SV2B: variants seen among roughly 807,000 people sequenced by gnomAD.
SV2B encodes the protein synaptic vesicle glycoprotein 2B.
A neutral mutation model predicts 73.9 loss-of-function variants in SV2B; 41 were observed. The ratio of observed to expected loss-of-function variants is 0.56; its 90% CI spans 0.43 to 0.72. SV2B has a LOEUF of 0.72. SV2B is among the 30% of genes least tolerant of loss of function. The probability of loss-of-function intolerance (pLI) is 0.00; values close to 1 mark genes in which losing one functional copy is unlikely to be tolerated. For synonymous variants in SV2B, 314 were observed against 314.2 expected (o/e 1.00, Z 0.01); for missense variants, 764 against 857.8 (o/e 0.89, Z 1.37).
At chr15:91,217,841 C>T (rs1295703478) in intron 1 of SV2B, among the ~76,000 whole-genome samples, 3 of 152,240 alleles carry the variant, frequency 2.0e-5, no homozygotes, top group African/African-American at 7.2e-5. Context: ...TGACTTCATT[C>T]ATGCTCCCTC....
At chr15:91,178,084 T>G (rs1199677991) in intron 1 of SV2B, among the ~76,000 whole-genome samples, 4 of 151,890 alleles carry the variant, frequency 2.6e-5, no homozygotes, top group Admixed American at 6.5e-5. Flanking sequence ...CCTAATTTAT[T>G]GAGAGTTTTT....
intron 1 of SV2B, among the ~76,000 whole-genome samples, chr15:91,212,715 A>G (rs1336990838): frequency 6.6e-6 from 1 of 152,136 alleles, no homozygotes; most frequent in African/African-American, 2.4e-5. Context: ...GCACTTTGGG[A>G]GGCCGAGGTA....
intron 9 of SV2B, among the ~76,000 whole-genome samples, chr15:91,276,025 T>C (rs980151179): frequency 1.2e-4 from 19 of 152,140 alleles, no homozygotes; most frequent in Admixed American, 1.2e-3. Flanking sequence ...CTCTTCAATT[T>C]TGAAAATATT....
At chr15:91,143,530 T>A (rs965945573) in intron 1 of SV2B, among the ~76,000 whole-genome samples, 1 of 152,224 alleles carries the variant, frequency 6.6e-6, no homozygotes, top group Admixed American at 6.5e-5. Context: ...ACAAAAGACA[T>A]CATTCTATCG....
rs2046630468 is a variant in SV2B at position 91,232,809 on chromosome 15, A to T, written c.451+6095A>T. On this transcript the variant is annotated intron_variant, in intron 2 of 12. Coordinates refer to ENST00000394232, the MANE Select transcript of SV2B (RefSeq NM_001323032.3). The surrounding 1 kb of genome is among the most constrained non-coding windows in gnomAD (Gnocchi z 4.7). ...GTATGATGCTGAGGTTTGGGATACA[A>T]ATGATCCCATCACCCAGATAGTGAG... is the stretch of plus-strand genomic sequence containing the variant. Among the ~76,000 whole-genome samples the T allele has an allele frequency of 1.3e-5, 2 of 152,166 alleles. No individual in the cohort carries two copies.
intron 1 of SV2B, among the ~76,000 whole-genome samples, chr15:91,147,025 T>A (rs932919728): frequency 1.3e-5 from 2 of 152,232 alleles, no homozygotes; most frequent in Non-Finnish European, 2.9e-5. Context: ...GCTGTAAGCA[T>A]TTATCCCATT....
intron 1 of SV2B, among the ~76,000 whole-genome samples, chr15:91,154,318 C>T (rs970811625): frequency 1.3e-5 from 2 of 152,008 alleles, no homozygotes; most frequent in African/African-American, 2.4e-5. Flanking sequence ...TACTATGTGC[C>T]GGATGCAGTG....
chr15:91,260,414 G>A lies in SV2B; in HGVS notation c.1008+5G>A. The A allele has an allele frequency of 6.3e-7, 1 of 1,596,450 alleles. No individual in the cohort carries two copies. Among genetic ancestry groups the A allele is most frequent in the Non-Finnish European group, 8.5e-7 (1 of 1,174,110 alleles). On this transcript the variant is annotated splice_donor_5th_base_variant and intron_variant, in intron 6 of 12. Coordinates refer to ENST00000394232, the MANE Select transcript of SV2B (RefSeq NM_001323032.3). The stretch of plus-strand genomic sequence containing the variant: ...ACCCCAGAGAAAGTGTTCACGGTGA[G>A]TGTGGGGTTGCCTGCCAATAAGAAG...
At chr15:91,146,758 T>C (rs1279916398) in intron 1 of SV2B, among the ~76,000 whole-genome samples, 1 of 152,202 alleles carries the variant, frequency 6.6e-6, no homozygotes, top group Non-Finnish European at 1.5e-5. Context: ...ACAGACTCCC[T>C]CTGGGCTCTC....
rs947538897 is a variant in SV2B, at chr15:91,187,672, T to A, written c.-391-38201T>A. Among the ~76,000 whole-genome samples, 209 of 147,938 alleles carry A rather than the reference T, an allele frequency of 1.4e-3. 2 individuals carry two copies. The highest frequency in any genetic ancestry group is 4.8e-3 in the African/African-American group (195 of 40,776). On this transcript the variant is annotated intron_variant, in intron 1 of 12. Coordinates refer to ENST00000394232, the MANE Select transcript of SV2B (RefSeq NM_001323032.3). ...AATTTTATGTTTTGTTTTTTTTTTT[T>A]AAATTGTGGCAACATATACCATTGT... is the stretch of plus-strand genomic sequence containing the variant.
At chr15:91,173,024 C>A (rs1258275806) in intron 1 of SV2B, among the ~76,000 whole-genome samples, 1 of 151,626 alleles carries the variant, frequency 6.6e-6, no homozygotes, top group Non-Finnish European at 1.5e-5. Context: ...TTGAAAGATA[C>A]AAAGAGGAGA....
rs757457091 is a variant in SV2B, at chr15:91,300,857, C to T, written c.*8305C>T. On this transcript the variant is annotated 3_prime_UTR_variant, in exon 13 of 13. Transcript: ENST00000394232. ...AATTTCTCCAGGTATCCAGCTATCT[C>T]CAGGTGTGCGGTCCTGTGAAGCACT... 2.6e-5 allele frequency: 4 copies of T among 152,208 alleles called. No homozygotes were observed. The highest frequency in any genetic ancestry group is 2.0e-4 in the Admixed American group (3 of 15,276). 9.4% of individuals were successfully genotyped at this position (152,208 alleles called of 1,614,324 possible).
Position 91,281,746 on chromosome 15 carries a change from T to C in SV2B, c.1392T>C (p.Phe464=). Residue 464 remains phenylalanine (F), a synonymous_variant, in exon 10 of 13, where the codon TTT becomes TTC. Coordinates refer to ENST00000394232, the MANE Select transcript of SV2B (RefSeq NM_001323032.3). The surrounding 1 kb of genome is among the most constrained non-coding windows in gnomAD (Gnocchi z 4.7). ...CCCACAGGTTCACAAGAATGTACTT[T>C]AAACATGTACTCTTTGAGGACACAT... ...LVNDKFTRMY[F]KHVLFEDTFF... 1.2e-6 allele frequency: 2 copies of C among 1,609,156 alleles called. No homozygotes were observed. The highest frequency in any genetic ancestry group is 1.3e-5 in the African/African-American group (1 of 74,822).
At chr15:91,274,290 T>C (rs1299116348) in intron 9 of SV2B, among the ~76,000 whole-genome samples, 1 of 152,208 alleles carries the variant, frequency 6.6e-6, no homozygotes, top group Non-Finnish European at 1.5e-5. Flanking sequence ...TCACCAGTAG[T>C]ATACGGTGTA....
intron 1 of SV2B, among the ~76,000 whole-genome samples, chr15:91,151,196 A>G (rs904777359): frequency 6.6e-6 from 1 of 152,234 alleles, no homozygotes; most frequent in African/African-American, 2.4e-5. Flanking sequence ...TCAGGGCCAA[A>G]ACTCCCCATT....
At chr15:91,207,504 G>A (rs1235071722) in intron 1 of SV2B, among the ~76,000 whole-genome samples, 2 of 152,096 alleles carry the variant, frequency 1.3e-5, no homozygotes, top group Non-Finnish European at 2.9e-5. Flanking sequence ...CAATTTGTTC[G>A]CCGGCATACC....
chr15:91,116,744 A>G (rs2042189819), intron 1 of SV2B, among the ~76,000 whole-genome samples: 1 of 152,204 alleles, frequency 6.6e-6, no homozygotes, highest in Non-Finnish European at 1.5e-5. Flanking sequence ...GCTATGAAGA[A>G]ATACCCAAGA....
chr15:91,196,721 T>C (rs570019539), intron 1 of SV2B, among the ~76,000 whole-genome samples: 6 of 152,352 alleles, frequency 3.9e-5, no homozygotes, highest in Admixed American at 6.5e-5. Flanking sequence ...CCTCTACTTA[T>C]ATGTGAAGCA....
At chr15:91,177,797 G>A (rs1022391418) in intron 1 of SV2B, among the ~76,000 whole-genome samples, 4 of 128,298 alleles carry the variant, frequency 3.1e-5, no homozygotes, top group Non-Finnish European at 4.9e-5. Context: ...TTTGGGCTGA[G>A]ACAATGGGGT....
Sources: allele counts gnomAD v4.1 joint callset (sites outside exome capture counted in the v4.1 genomes callset), GRCh38; gene constraint gnomAD v4.1.1; non-coding constraint Gnocchi (gnomAD v3.1); transcripts MANE v1.5; gene names NCBI Gene and HGNC (gene_info 2026-07-23, HGNC 2026-07-21).